Variants in DPP10 observed in about 807,000 individuals in gnomAD.
The protein encoded by DPP10 is inactive dipeptidyl peptidase 10.
DPP10 carries 33 observed loss-of-function variants against 120.9 expected under a neutral mutation model. The observed-to-expected ratio is 0.27, with a 90% CI of 0.21 to 0.37. The LOEUF (loss-of-function observed/expected upper bound fraction) is 0.37, where lower values mean the gene tolerates loss of function less well. DPP10 is among the 10% of genes least tolerant of loss of function. DPP10 has a pLI of 1.00. For synonymous variants in DPP10, 337 were observed against 326.1 expected, an observed-to-expected ratio of 1.03 and a Z score of -0.36; for missense variants, 816 against 942.8, an observed-to-expected ratio of 0.87 and a Z score of 1.76.
At position 114,898,920 on chromosome 2, in the gene DPP10, A is replaced by G. The variant is rs192756792; in HGVS notation, c.61-410319A>G. Among the ~76,000 whole-genome samples, 178 of 152,310 alleles carry G rather than the reference A, an allele frequency of 1.2e-3. 1 individual carries two copies. The highest frequency in any genetic ancestry group is 6.8e-3 in the Middle Eastern group (2 of 294). ...TATGCACAACAACTGCAGGTCATTA[A>G]TTCTCTGAGTCTTTCCTAAATCAAT... On this transcript the variant is annotated intron_variant, in intron 1 of 25. Transcript: ENST00000410059.
chr2:115,274,461 A>G (rs924715637), intron 1 of DPP10, among the ~76,000 whole-genome samples: 2 of 151,684 alleles, frequency 1.3e-5, no homozygotes, highest in Admixed American at 1.3e-4. Flanking sequence ...TAATATTTTC[A>G]TTTTTGTTTA....
At chr2:114,730,904 CT>C (rs1272629018) in intron 1 of DPP10, among the ~76,000 whole-genome samples, 2,577 of 139,978 alleles carry the variant, frequency 0.018, 19 homozygotes, top group Middle Eastern at 0.042. Context: ...TTTTTTTTTT[CT>C]TTTTTTTTTT....
intron 1 of DPP10, among the ~76,000 whole-genome samples, chr2:115,158,754 G>A (rs57229345): frequency 2.0e-5 from 3 of 152,070 alleles, no homozygotes; most frequent in Non-Finnish European, 2.9e-5. Flanking sequence ...GCTGATCAAA[G>A]ATAATACATG....
At chr2:114,660,391 A>T (rs1392470340) in intron 1 of DPP10, among the ~76,000 whole-genome samples, 1 of 152,168 alleles carries the variant, frequency 6.6e-6, no homozygotes, top group Non-Finnish European at 1.5e-5. Context: ...TCTTACCAAA[A>T]ATCAGCAATC....
chr2:115,184,729 T>C (rs773439450), intron 1 of DPP10, among the ~76,000 whole-genome samples: 1 of 152,220 alleles, frequency 6.6e-6, no homozygotes, highest in Non-Finnish European at 1.5e-5. Context: ...GAGATAGATA[T>C]CCTAATGTAA....
intron 7 of DPP10, among the ~76,000 whole-genome samples, chr2:115,693,022 T>C (rs2091400865): frequency 6.6e-6 from 1 of 152,106 alleles, no homozygotes; most frequent in African/African-American, 2.4e-5. Flanking sequence ...CCACACTAAA[T>C]GGTTGAATAA....
chr2:115,432,649 A>G (rs984955817), intron 3 of DPP10, among the ~76,000 whole-genome samples: 3 of 122,826 alleles, frequency 2.4e-5, no homozygotes, highest in Admixed American at 8.6e-5. Flanking sequence ...TTTAAAAGCC[A>G]TAGGCAATTT....
At chr2:115,246,291 C>G (rs1285706121) in intron 1 of DPP10, among the ~76,000 whole-genome samples, 1 of 152,094 alleles carries the variant, frequency 6.6e-6, no homozygotes, top group African/African-American at 2.4e-5. Flanking sequence ...TAATGAAGCT[C>G]ATTGAAAATA....
intron 1 of DPP10, among the ~76,000 whole-genome samples, chr2:115,140,858 G>T (rs2050889787): frequency 6.6e-6 from 1 of 150,758 alleles, no homozygotes; most frequent in Non-Finnish European, 1.5e-5. Context: ...CCATTTGGGG[G>T]CCATAATTAT....
intron 8 of DPP10, among the ~76,000 whole-genome samples, chr2:115,732,217 T>TA (rs2092927480): frequency 6.6e-6 from 1 of 152,206 alleles, no homozygotes; most frequent in Non-Finnish European, 1.5e-5. Context: ...TTACCTTTTG[T>TA]AAATGTCATA....
chr2:114,767,437 C>A (rs1382647652), intron 1 of DPP10, among the ~76,000 whole-genome samples: 1 of 151,160 alleles, frequency 6.6e-6, no homozygotes, highest in African/African-American at 2.4e-5. Context: ...ATTTATAGTA[C>A]CAAAAAATGA....
chr2:115,576,224 TA>T (rs1326518126), intron 5 of DPP10, among the ~76,000 whole-genome samples: 1 of 152,204 alleles, frequency 6.6e-6, no homozygotes, highest in African/African-American at 2.4e-5. Context: ...AGGAATGCCT[TA>T]AAGAATATCA....
intron 3 of DPP10, among the ~76,000 whole-genome samples, chr2:115,457,229 A>G (rs1200133682): frequency 6.6e-6 from 1 of 152,112 alleles, no homozygotes; most frequent in Non-Finnish European, 1.5e-5. Context: ...AAAAAAATGA[A>G]TTTAGACCCT....
chr2:115,659,612 G>T (rs1000610209), intron 5 of DPP10, among the ~76,000 whole-genome samples: 4 of 152,166 alleles, frequency 2.6e-5, no homozygotes, highest in Admixed American at 6.5e-5. Context: ...CTATGAATTT[G>T]ATACTGAGTC....
At chr2:115,033,250 A>G (rs1703971164) in intron 1 of DPP10, among the ~76,000 whole-genome samples, 1 of 152,020 alleles carries the variant, frequency 6.6e-6, no homozygotes, top group Non-Finnish European at 1.5e-5. Flanking sequence ...TAAACCACAA[A>G]CCCTGTGGTT....
intron 15 of DPP10, among the ~76,000 whole-genome samples, chr2:115,779,445 C>A (rs112923757): frequency 6.6e-6 from 1 of 152,012 alleles, no homozygotes; most frequent in Non-Finnish European, 1.5e-5. Flanking sequence ...GCACTAGGCA[C>A]CCCTGCAGGA....
chr2:115,083,657 C>CA lies in DPP10; in HGVS notation c.61-225576dup, dbSNP rs72219389. ...TTATATCTATTCTAAACTTAGCTGTCAAAAAAGTTATTAAACAACAACTTT... is the reference window on the plus strand; with the variant it reads ...TTATATCTATTCTAAACTTAGCTGTCAAAAAAAGTTATTAAACAACAACTTT... On this transcript the variant is annotated intron_variant, in intron 1 of 25. Coordinates refer to ENST00000410059, the MANE Select transcript of DPP10 (RefSeq NM_020868.6). Among the ~76,000 whole-genome samples, 3 of 151,974 alleles carry CA rather than the reference C, an allele frequency of 2.0e-5. No individual in the cohort carries two copies. In the South Asian group the frequency reaches 6.2e-4, roughly 31 times the overall value.
chr2:114,771,303 A>G (rs922068088), intron 1 of DPP10, among the ~76,000 whole-genome samples: 1 of 152,218 alleles, frequency 6.6e-6, no homozygotes, highest in African/African-American at 2.4e-5. Flanking sequence ...CTGTGGCCGT[A>G]TCATACCAGT....
chr2:114,684,358 C>T (rs1236772220), intron 1 of DPP10, among the ~76,000 whole-genome samples: 4 of 151,950 alleles, frequency 2.6e-5, no homozygotes, highest in Non-Finnish European at 5.9e-5. Flanking sequence ...GACATGTTCA[C>T]CTGGTGTTCA....
Sources: allele counts gnomAD v4.1 joint callset (sites outside exome capture counted in the v4.1 genomes callset), GRCh38; gene constraint gnomAD v4.1.1; transcripts MANE v1.5; gene names NCBI Gene and HGNC (gene_info 2026-07-23, HGNC 2026-07-21).